The following CTTN variants were observed in gnomAD, a reference collection of about 807,000 sequenced individuals.
The protein encoded by CTTN is src substrate cortactin.
Under a neutral mutation model 84.0 loss-of-function variants are expected in CTTN, and 28 were observed. That is an observed-to-expected ratio of 0.33 (90% CI 0.25 to 0.46). CTTN has a LOEUF of 0.46. Among genes scored for constraint, CTTN ranks in the 20% least tolerant of loss-of-function variants. The pLI is 1.00. For synonymous variants in CTTN, 301 were observed against 288.8 expected, an observed-to-expected ratio of 1.04 and a Z score of -0.43; for missense variants, 641 against 723.8, an observed-to-expected ratio of 0.89 and a Z score of 1.31.
In CTTN at chr11:70,425,360, A is replaced by G; in HGVS notation, c.986A>G (p.Gln329Arg). The change falls in exon 13 of 18, where the codon CAG (glutamine) becomes CGG (arginine). Residue 329 changes from glutamine (Q) to arginine (R), a missense_variant. Coordinates refer to ENST00000301843, the MANE Select transcript of CTTN (RefSeq NM_005231.4). ...GCGTCAACCTTTGAGGATGTCACCC[A>G]GGTGTCCTCTGCCTACCAGAAGACA... ...KNASTFEDVT[Q>R]VSSAYQKTVP... is the part of the protein sequence containing the mutation. 4 of 1,612,872 alleles carry G rather than the reference A, an allele frequency of 2.5e-6. No homozygotes were observed. In the South Asian group the frequency reaches 4.4e-5, roughly 18 times the overall value.
At chr11:70,409,448 G>A (rs116429667) in intron 4 of CTTN, among the ~76,000 whole-genome samples, 185 of 152,320 alleles carry the variant, frequency 1.2e-3, no homozygotes, top group African/African-American at 4.1e-3. Context: ...GCCAGTGGCC[G>A]AGGAAGGGAC....
chr11:70,422,991 A>T lies in CTTN; in HGVS notation c.953A>T (p.Asp318Val). Residue 318 changes from aspartate to valine, a missense_variant, in exon 12 of 18, where the codon GAT (aspartate) becomes GTT (valine). Physicochemically the swap from Asp to Val is radical, Grantham distance 152 (BLOSUM62 -3). Around this residue, in one of 3 missense-constraint regions of CTTN, gnomAD observed 289 missense variants for 273.1 expected, o/e 1.06. Coordinates refer to ENST00000301843, the MANE Select transcript of CTTN (RefSeq NM_005231.4). ...TATGGGGTGCAGAAGGATCGGATGG[A>T]TAAGGTAAATATTCCAGCCCCGGAG... is the stretch of plus-strand genomic sequence containing the variant. ...GKYGVQKDRM[D>V]KNASTFEDVT... 6.2e-7 allele frequency: 1 copy of T among 1,613,648 alleles called. No homozygotes were observed. The highest frequency in any genetic ancestry group is 8.5e-7 in the Non-Finnish European group (1 of 1,179,958).
At chr11:70,432,938 C>T (rs565418838) in intron 15 of CTTN, among the ~76,000 whole-genome samples, 163 bp from the exon 16 acceptor site, 33 of 152,322 alleles carry the variant, frequency 2.2e-4, no homozygotes, top group African/African-American at 7.7e-4. Context: ...CCATGGTGAA[C>T]ACACCGGCAG....
intron 4 of CTTN, chr11:70,407,792 T>C: frequency 1.8e-6 from 1 of 556,390 alleles, no homozygotes; most frequent in Admixed American, 3.5e-5. Context: ...TATGTGTATA[T>C]TTAGATACTT....
chr11:70,428,198 GCT>G (rs1197130938), intron 13 of CTTN, among the ~76,000 whole-genome samples: 2 of 115,732 alleles, frequency 1.7e-5, no homozygotes, highest in Non-Finnish European at 3.3e-5. Context: ...ACAGAGTCTC[GCT>G]CTGTCGCGAG....
chr11:70,421,436 G>T lies in CTTN; in HGVS notation c.791-34G>T. ...TAACCCAACTGTGTTTCCTCTTTTGGTTGTTTTCCCCACCGTTGCTTGTGG... is the reference window on the plus strand; with the variant it reads ...TAACCCAACTGTGTTTCCTCTTTTGTTTGTTTTCCCCACCGTTGCTTGTGG... On this transcript the variant is annotated intron_variant, in intron 10 of 17. Transcript: ENST00000301843. 1.4e-6 allele frequency: 2 copies of T among 1,457,912 alleles called. 1 individual carries two copies. The highest frequency in any genetic ancestry group is 2.3e-5 in the South Asian group (2 of 87,892). 90.3% of individuals were successfully genotyped at this position (1,457,912 alleles called of 1,614,324 possible).
intron 7 of CTTN, 178 bp from the exon 8 acceptor site, chr11:70,416,835 T>G: frequency 3.4e-6 from 2 of 589,890 alleles, no homozygotes. Context: ...ATGCACCTGT[T>G]GTGAAACAGG....
chr11:70,404,943 G>C (rs936927116), intron 1 of CTTN, among the ~76,000 whole-genome samples: 4 of 152,296 alleles, frequency 2.6e-5, no homozygotes, highest in Non-Finnish European at 5.9e-5. Context: ...TGGAGTTTGC[G>C]GTAAGCCGCG....
Position 70,407,347 on chromosome 11 carries a change from CG to C in CTTN, c.55del (p.Ala19ProfsTer11), listed in dbSNP as rs757578635. 1 of 1,566,954 alleles carries C rather than the reference CG, an allele frequency of 6.4e-7. No individual in the cohort carries two copies. The highest frequency in any genetic ancestry group is 8.7e-7 in the Non-Finnish European group (1 of 1,155,808). On this transcript the variant is annotated frameshift_variant, in exon 3 of 18. Transcript: ENST00000301843. LOFTEE classifies it high-confidence loss of function. ...GCTGTGTCCATCGCCCAGGATGACG[CG>C]GGGGCCGATGACTGGGAGACCGACC... The part of the protein sequence containing the change: ...GHAVSIAQDD[A>X]GADDWETDPD...
rs769388597 is a variant in CTTN, at chr11:70,431,293, G to T, written c.1266+13G>T. 1 of 1,613,842 alleles carries T rather than the reference G, an allele frequency of 6.2e-7. No homozygotes were observed. The highest frequency in any genetic ancestry group is 1.1e-5 in the South Asian group (1 of 91,076). ...CCCCGTCTATGAGGTTGGTGTCTTT[G>T]GTGTTTGAATGAGCGTGAGTGACTT... is the stretch of plus-strand genomic sequence containing the variant. On this transcript the variant is annotated intron_variant, in intron 15 of 17. Transcript: ENST00000301843.
chr11:70,416,047 A>G, intron 7 of CTTN: 1 of 310,852 alleles, frequency 3.2e-6, no homozygotes, highest in Non-Finnish European at 6.1e-6. Flanking sequence ...TGGAAAAGAG[A>G]GCTCACAGAT....
At chr11:70,427,288 G>A (rs772363980) in intron 13 of CTTN, among the ~76,000 whole-genome samples, 3 of 152,106 alleles carry the variant, frequency 2.0e-5, no homozygotes, top group East Asian at 1.9e-4. Flanking sequence ...GGCAGAGGTC[G>A]CAGTGAGCCT....
chr11:70,430,597 C>T (rs1220779642), intron 14 of CTTN, among the ~76,000 whole-genome samples: 1 of 152,232 alleles, frequency 6.6e-6, no homozygotes, highest in Non-Finnish European at 1.5e-5. Context: ...TCATCACATA[C>T]ACAGTCCCTC....
chr11:70,399,823 G>A (rs996449066), intron 1 of CTTN, among the ~76,000 whole-genome samples: 1 of 152,228 alleles, frequency 6.6e-6, no homozygotes, highest in Non-Finnish European at 1.5e-5. Context: ...TTTGGGCTCA[G>A]TGTTGACTTG....
At position 70,431,244 on chromosome 11, in the gene CTTN, A is replaced by C. The variant is rs745396876; in HGVS notation, c.1230A>C (p.Pro410=). Residue 410 remains proline, a synonymous_variant, in exon 15 of 18, where the codon CCA becomes CCC. Transcript: ENST00000301843. ...QTPPVSPAPQ[P]TEERLPSSPV... is the part of the protein sequence containing the mutation. ...CCCCTGTGTCGCCCGCACCTCAGCC[A>C]ACCGAGGAGAGGCTGCCCTCGAGCC... The C allele has an allele frequency of 1.5e-5, 24 of 1,614,162 alleles. No homozygotes were observed. Among genetic ancestry groups the C allele is most frequent in the Middle Eastern group, 1.6e-4 (1 of 6,062 alleles).
chr11:70,418,625 C>A (rs1205518435), intron 8 of CTTN, among the ~76,000 whole-genome samples: 1 of 152,170 alleles, frequency 6.6e-6, no homozygotes, highest in African/African-American at 2.4e-5. Flanking sequence ...TTCCTGGCAT[C>A]CCCCTGCGTG....
chr11:70,431,717 C>A (rs987619858), intron 15 of CTTN, among the ~76,000 whole-genome samples: 5 of 152,172 alleles, frequency 3.3e-5, no homozygotes, highest in African/African-American at 1.2e-4. Flanking sequence ...CCATTCAGCT[C>A]TCCAGCCTTG....
chr11:70,422,556 A>G, intron 11 of CTTN: 3 of 1,299,452 alleles, frequency 2.3e-6, no homozygotes, highest in Non-Finnish European at 2.0e-6. Context: ...TCAGTAGAGC[A>G]GGCGCACAGG....
intron 1 of CTTN, among the ~76,000 whole-genome samples, chr11:70,399,649 G>A (rs1387545901): frequency 6.6e-6 from 1 of 152,152 alleles, no homozygotes; most frequent in Non-Finnish European, 1.5e-5. Flanking sequence ...ATAGTCTAAG[G>A]GATGCCTGAT....
Sources: gnomAD v4.1 joint callset for allele counts (sites outside exome capture counted in the v4.1 genomes callset) on GRCh38, gnomAD v4.1.1 for gene constraint, gnomAD v4.1.1 regional missense constraint, MANE v1.5 for transcripts, NCBI Gene and HGNC (gene_info 2026-07-23, HGNC 2026-07-21) for gene names.